SPTB: variants seen among roughly 807,000 people sequenced by gnomAD.
SPTB encodes spectrin beta, erythrocytic, also known as spectrin beta chain, erythrocytic.
SPTB carries 45 observed loss-of-function variants against 256.2 expected under a neutral mutation model. The observed-to-expected ratio is 0.18, with a 90% CI of 0.14 to 0.23. SPTB has a LOEUF of 0.23. SPTB is among the 10% of genes least tolerant of loss of function. The probability of loss-of-function intolerance (pLI) is 1.00; values close to 1 mark genes in which losing one functional copy is unlikely to be tolerated. For synonymous variants in SPTB, 1,231 were observed against 1,243.1 expected (o/e 0.99, Z 0.21); for missense variants, 2,715 against 3,040.4 (o/e 0.89, Z 2.52).
chr14:64,829,864 C>G (rs538280231), intron 1 of SPTB, among the ~76,000 whole-genome samples: 3 of 152,208 alleles, frequency 2.0e-5, no homozygotes, highest in Middle Eastern at 3.2e-3. Flanking sequence ...TCTCCCCACA[C>G]CCCCTATAGG....
chr14:64,797,913 C>A, intron 9 of SPTB, 67 bp from the exon 10 acceptor site: 1 of 1,077,976 alleles, frequency 9.3e-7, no homozygotes, highest in South Asian at 1.2e-5. Flanking sequence ...TTGCTAAAGT[C>A]AACACGGAAC....
At chr14:64,773,582 G>A (rs915197784) in intron 24 of SPTB, among the ~76,000 whole-genome samples, 158 bp from the exon 25 acceptor site, 2 of 152,214 alleles carry the variant, frequency 1.3e-5, no homozygotes, top group Non-Finnish European at 2.9e-5. Flanking sequence ...GGAAGAGCTG[G>A]GGAGAGAAGG....
In SPTB at chr14:64,801,376, C is replaced by T. The variant is rs2082882561; in HGVS notation, c.672G>A (p.Lys224=). 1 of 1,614,074 alleles carries T rather than the reference C, an allele frequency of 6.2e-7. No individual in the cohort carries two copies. Residue 224 remains lysine, a synonymous_variant, in exon 7 of 36, where the codon AAG becomes AAA. Transcript: ENST00000644917. ...KHRPDLIDFD[K]LKDSNARHNL... is the part of the protein sequence containing the mutation. ...TGTGCCGGGCATTGGAGTCCTTCAG[C>T]TTATCAAAGTCGATCAGGTCGGGCC...
intron 2 of SPTB, among the ~76,000 whole-genome samples, chr14:64,814,270 T>C (rs2083146469): frequency 6.6e-6 from 1 of 152,182 alleles, no homozygotes; most frequent in Non-Finnish European, 1.5e-5. Flanking sequence ...TTTGCATGTT[T>C]GCTGACATGA....
intron 24 of SPTB, 101 bp from the exon 25 acceptor site, chr14:64,773,525 G>A (rs2082310978): frequency 1.6e-6 from 2 of 1,243,472 alleles, no homozygotes; most frequent in African/African-American, 1.5e-5. Context: ...CCCTGGCAGG[G>A]ATAGGTAGGG....
intron 4 of SPTB, among the ~76,000 whole-genome samples, chr14:64,803,008 T>C (rs1272837629): frequency 1.3e-5 from 2 of 152,326 alleles, no homozygotes; most frequent in East Asian, 1.9e-4. Flanking sequence ...TATGCACCCA[T>C]GGAGAGTGAG....
At chr14:64,860,053 G>A (rs1005977756) in intron 1 of SPTB, among the ~76,000 whole-genome samples, 9 of 152,132 alleles carry the variant, frequency 5.9e-5, no homozygotes, top group African/African-American at 1.2e-4. Flanking sequence ...TAGAATCTAA[G>A]AGAATTGCAG....
At chr14:64,854,419 C>T (rs1462364656) in intron 1 of SPTB, among the ~76,000 whole-genome samples, 4 of 150,176 alleles carry the variant, frequency 2.7e-5, no homozygotes, top group African/African-American at 9.8e-5. Context: ...GCTGAGACTA[C>T]AGGCACCCGC....
chr14:64,878,177 C>T (rs72726259), intron 1 of SPTB, among the ~76,000 whole-genome samples: 16,160 of 152,128 alleles, frequency 0.11, 1,018 homozygotes, highest in Non-Finnish European at 0.14. Context: ...TTTTCATGAG[C>T]GTTTATGTCT....
rs1238637874 is a variant in SPTB at position 64,785,631 on chromosome 14, G to C, written c.3765-4C>G. The stretch of plus-strand genomic sequence containing the variant: ...CTTCTCGTTGTTCTTCCTGTGCCTG[G>C]AAAGGAAGCCAAAAGCACAGTCACA... On this transcript the variant is annotated splice_region_variant and splice_polypyrimidine_tract_variant and intron_variant, in intron 17 of 35. Coordinates refer to ENST00000644917, the MANE Select transcript of SPTB (RefSeq NM_001355436.2). The surrounding 1 kb of genome is among the most constrained non-coding windows in gnomAD (Gnocchi z 4.4). The C allele has an allele frequency of 1.9e-6, 3 of 1,614,052 alleles. No homozygotes were observed. The East Asian group carries it at 6.7e-5, about 36-fold the overall frequency.
At chr14:64,819,595 G>A (rs2083254663) in intron 2 of SPTB, among the ~76,000 whole-genome samples, 1 of 152,172 alleles carries the variant, frequency 6.6e-6, no homozygotes, top group Non-Finnish European at 1.5e-5. Flanking sequence ...TCAGGTCTGG[G>A]GGAAGGGGAA....
chr14:64,773,146 G>C, intron 25 of SPTB, 74 bp downstream of exon 25: 5 of 1,590,430 alleles, frequency 3.1e-6, no homozygotes, highest in Middle Eastern at 1.7e-4. Flanking sequence ...AGCACTCTGT[G>C]TGTCTTGAGT....
chr14:64,783,640 G>A (rs1475525527), intron 19 of SPTB, among the ~76,000 whole-genome samples: 2 of 152,190 alleles, frequency 1.3e-5, no homozygotes, highest in Non-Finnish European at 2.9e-5. Context: ...GAGAAACTGA[G>A]GCACAGGGAG....
chr14:64,842,944 A>G (rs1431603999), intron 1 of SPTB, among the ~76,000 whole-genome samples: 5 of 152,054 alleles, frequency 3.3e-5, no homozygotes, highest in Non-Finnish European at 7.4e-5. Flanking sequence ...GCACACACCT[A>G]TAGTCTCAGC....
In SPTB at chr14:64,793,778, G is replaced by T; in HGVS notation, c.1885C>A (p.Arg629=). The change falls in exon 14 of 36, where the codon CGG becomes AGG. Residue 629 remains arginine (R), a synonymous_variant. Coordinates refer to ENST00000644917, the MANE Select transcript of SPTB (RefSeq NM_001355436.2). This position sits in a 1 kb window ranked among gnomAD's most constrained non-coding sequence, Gnocchi z 7.0. ...FEELSNMAAG[R]KAQLEQSKRL... is the part of the protein sequence containing the mutation. ...TTGGACTGCTCCAGTTGGGCCTTCC[G>T]CCCAGCTGCCATGTTGCTCAGCTCC... The T allele has an allele frequency of 6.2e-7, 1 of 1,610,790 alleles. No individual in the cohort carries two copies.
At chr14:64,810,204 G>A (rs1378018397) in intron 2 of SPTB, among the ~76,000 whole-genome samples, 1 of 152,166 alleles carries the variant, frequency 6.6e-6, no homozygotes, top group Non-Finnish European at 1.5e-5. Flanking sequence ...AGTACATACA[G>A]GCATTTAATG....
At chr14:64,754,062 TAGC>T (rs2081989305) in intron 32 of SPTB, 3 of 558,188 alleles carry the variant, frequency 5.4e-6, no homozygotes, top group Non-Finnish European at 6.4e-6. Flanking sequence ...CAATGTAACA[TAGC>T]AACGGAAGGT....
chr14:64,750,093 T>C lies in SPTB; in HGVS notation c.6664A>G (p.Lys2222Glu). ...TAGGGCATCCCCAGGGCCAGGTTCT[T>C]GGCATCCTTGTAGAAGGTTAGCTCA... ...NSELTFYKDA[K>E]NLALGMPYHG... Residue 2222 changes from lysine to glutamate, a missense_variant, in exon 34 of 36, where the codon AAG becomes GAG. This residue lies in a region of SPTB where 2,239 missense variants were observed against 2,384.4 expected (regional missense o/e 0.94). Transcript: ENST00000644917. 1 of 1,614,228 alleles carries C rather than the reference T, an allele frequency of 6.2e-7. No individual in the cohort carries two copies. Among genetic ancestry groups the C allele is most frequent in the Non-Finnish European group, 8.5e-7 (1 of 1,180,026 alleles).
At chr14:64,754,591 G>C (rs2081996355) in intron 32 of SPTB, 1 of 153,240 alleles carries the variant, frequency 6.5e-6, no homozygotes, top group African/African-American at 2.4e-5. Flanking sequence ...CAGGAGTTGA[G>C]AATCCCCCTC....
Sources: gnomAD v4.1 joint callset for allele counts (sites outside exome capture counted in the v4.1 genomes callset) on GRCh38, gnomAD v4.1.1 for gene constraint, gnomAD v4.1.1 regional missense constraint, Gnocchi (gnomAD v3.1) non-coding constraint, MANE v1.5 for transcripts, NCBI Gene and HGNC (gene_info 2026-07-23, HGNC 2026-07-21) for gene names.